Variants in AGFG1 observed in about 807,000 individuals in gnomAD.
AGFG1 encodes arf-GAP domain and FG repeat-containing protein 1.
In AGFG1, 10 loss-of-function variants were observed where a neutral mutation model predicts 60.6. The observed-to-expected ratio is 0.16, with a 90% confidence interval of 0.10 to 0.28. The LOEUF is 0.28. AGFG1 is among the 10% of genes least tolerant of loss of function. The pLI is 1.00. For missense variants in AGFG1, 537 were observed against 676.5 expected (o/e 0.79, Z 2.29); for synonymous variants, 247 against 242.9 (o/e 1.02, Z -0.16).
chr2:227,517,141 G>A (rs886649056), intron 2 of AGFG1, among the ~76,000 whole-genome samples: 1 of 152,158 alleles, frequency 6.6e-6, no homozygotes, highest in Non-Finnish European at 1.5e-5. Flanking sequence ...CTTCTCAGGC[G>A]TTGCCAGTGA....
At chr2:227,539,384 A>G (rs2106228219) in intron 10 of AGFG1, among the ~76,000 whole-genome samples, 1 of 147,666 alleles carries the variant, frequency 6.8e-6, no homozygotes, top group African/African-American at 2.5e-5. Context: ...TGGAGTTTGC[A>G]GTGAGCTGAG....
At chr2:227,519,466 G>A (rs1014095382) in intron 2 of AGFG1, among the ~76,000 whole-genome samples, 3 of 152,120 alleles carry the variant, frequency 2.0e-5, no homozygotes, top group African/African-American at 7.2e-5. Flanking sequence ...GACCAAAAAT[G>A]CATAGGAGAC....
chr2:227,486,429 G>A (rs1053101320), intron 1 of AGFG1, among the ~76,000 whole-genome samples: 1 of 152,064 alleles, frequency 6.6e-6, no homozygotes, highest in Non-Finnish European at 1.5e-5. Flanking sequence ...TATGTAAAGT[G>A]CCAGTCTAGA....
rs1318163121 is a variant in AGFG1, at chr2:227,524,926, T to C, written c.694+11T>C. 1 of 1,613,508 alleles carries C rather than the reference T, an allele frequency of 6.2e-7. No individual in the cohort carries two copies. Among genetic ancestry groups the C allele is most frequent in the East Asian group, 2.2e-5 (1 of 44,880 alleles). On this transcript the variant is annotated intron_variant, in intron 5 of 12. Coordinates refer to ENST00000310078, the MANE Select transcript of AGFG1 (RefSeq NM_004504.5). The stretch of plus-strand genomic sequence containing the variant: ...TCAACAGTCATGCAGGTAAGTGTTT[T>C]TTCCCAACAGCTTTTGCTGGGGATG...
In AGFG1 at chr2:227,472,298, C is replaced by G; in HGVS notation, c.-124C>G. The G allele has an allele frequency of 1.8e-6, 1 of 553,738 alleles. No individual in the cohort carries two copies. The highest frequency in any genetic ancestry group is 2.3e-6 in the Non-Finnish European group (1 of 437,206). The allele number at this position is 553,738 out of a possible 1,614,324, so 34.3% of individuals were successfully genotyped here. On this transcript the variant is annotated 5_prime_UTR_variant, in exon 1 of 13. Transcript: ENST00000310078. Reference sequence around the variant, plus strand: ...GCCAAGCCGCTGCGGCCGGGTCCGGCGCGGGCGGCGCGCGCAGACGGAGGG... The same window carrying G: ...GCCAAGCCGCTGCGGCCGGGTCCGGGGCGGGCGGCGCGCGCAGACGGAGGG...
intron 6 of AGFG1, 74 bp downstream of exon 6, chr2:227,531,284 TTAGTC>T (rs2106217942): frequency 6.6e-7 from 1 of 1,513,282 alleles, no homozygotes; most frequent in African/African-American, 1.4e-5. Context: ...TTTTGAAAAA[TTAGTC>T]TAAACTTAAA....
chr2:227,526,229 C>T (rs1691987170), intron 5 of AGFG1, among the ~76,000 whole-genome samples: 1 of 152,018 alleles, frequency 6.6e-6, no homozygotes, highest in Non-Finnish European at 1.5e-5. Flanking sequence ...GGTGGAGTCT[C>T]GCTCTCTCGC....
At chr2:227,518,782 C>T (rs56215219) in intron 2 of AGFG1, among the ~76,000 whole-genome samples, 23,405 of 152,036 alleles carry the variant, frequency 0.15, 1,926 homozygotes, top group Middle Eastern at 0.2. Context: ...TGCACCCGGC[C>T]TCAGTGTCAT....
At chr2:227,478,139 A>AT (rs11383047) in intron 1 of AGFG1, among the ~76,000 whole-genome samples, 91,240 of 151,012 alleles carry the variant, frequency 0.6, 27,602 homozygotes, top group South Asian at 0.7. Flanking sequence ...TTCTCGTGCT[A>AT]TTTTTTATAT....
At chr2:227,536,519 G>T in intron 8 of AGFG1, 106 bp from the exon 9 acceptor site, 1 of 821,372 alleles carries the variant, frequency 1.2e-6, no homozygotes. Flanking sequence ...TGTTGATACT[G>T]ATGCTGTGAT....
intron 1 of AGFG1, among the ~76,000 whole-genome samples, chr2:227,473,096 C>G (rs1261611780): frequency 2.1e-5 from 1 of 48,428 alleles, no homozygotes; most frequent in Non-Finnish European, 3.9e-5. Flanking sequence ...CGGGGAGAAG[C>G]TGGGGTGGGA....
At position 227,492,358 on chromosome 2, in the gene AGFG1, G is replaced by A. The variant is rs189335913; in HGVS notation, c.261+718G>A. On this transcript the variant is annotated intron_variant, in intron 2 of 12. Coordinates refer to ENST00000310078, the MANE Select transcript of AGFG1 (RefSeq NM_004504.5). ...AATAAGGATGAGCCAGTTAACCCAA[G>A]CTGATTAATAATAGCTATTATTATT... Among the ~76,000 whole-genome samples, 8 of 152,056 alleles carry A rather than the reference G, an allele frequency of 5.3e-5. No individual in the cohort carries two copies. In the East Asian group the frequency reaches 1.3e-3, roughly 26 times the overall value.
chr2:227,556,971 G>A lies in AGFG1; in HGVS notation c.*2476G>A, dbSNP rs1040022327. ...AAAGAAGAGAGGTAGCTTTAAAGTG[G>A]TTTTTCTCATGATATTCACTGTTTA... On this transcript the variant is annotated 3_prime_UTR_variant, in exon 13 of 13. Coordinates refer to ENST00000310078, the MANE Select transcript of AGFG1 (RefSeq NM_004504.5). 5 of 152,106 alleles carry A rather than the reference G, an allele frequency of 3.3e-5. No homozygotes were observed. Among genetic ancestry groups the A allele is most frequent in the Non-Finnish European group, 5.9e-5 (4 of 68,016 alleles). 9.4% of individuals were successfully genotyped at this position (152,106 alleles called of 1,614,324 possible). A position where few individuals can be genotyped will look rare whatever the true frequency, so the allele number is the denominator to read the frequency against.
intron 5 of AGFG1, among the ~76,000 whole-genome samples, chr2:227,526,046 T>C (rs1348375248): frequency 1.3e-5 from 2 of 152,210 alleles, no homozygotes; most frequent in South Asian, 2.1e-4. Context: ...CATTTTATAA[T>C]GGTGACTTTT....
At chr2:227,489,974 C>A (rs978207550) in intron 1 of AGFG1, among the ~76,000 whole-genome samples, 30 of 152,112 alleles carry the variant, frequency 2.0e-4, no homozygotes, top group African/African-American at 6.7e-4. Flanking sequence ...TGCCACCACG[C>A]CCAGCTTATT....
chr2:227,478,932 C>T (rs1384901219), intron 1 of AGFG1, among the ~76,000 whole-genome samples: 2 of 152,182 alleles, frequency 1.3e-5, no homozygotes, highest in South Asian at 2.1e-4. Context: ...AATAATTCTT[C>T]TCACTCATGC....
At chr2:227,527,601 A>C (rs759096706) in intron 5 of AGFG1, among the ~76,000 whole-genome samples, 1 of 152,178 alleles carries the variant, frequency 6.6e-6, no homozygotes, top group Non-Finnish European at 1.5e-5. Context: ...TGCGTATGGA[A>C]TCTATTTTGG....
intron 2 of AGFG1, among the ~76,000 whole-genome samples, chr2:227,517,369 G>A (rs1350879949): frequency 2.0e-5 from 3 of 152,168 alleles, no homozygotes; most frequent in African/African-American, 7.2e-5. Context: ...GGGTTCAAGC[G>A]ATTCTCCTGC....
intron 1 of AGFG1, among the ~76,000 whole-genome samples, chr2:227,473,980 T>C (rs1208545556): frequency 6.6e-6 from 1 of 152,208 alleles, no homozygotes; most frequent in African/African-American, 2.4e-5. Flanking sequence ...AAAAATGTCT[T>C]GGGCAAGTAC....
Sources: allele counts gnomAD v4.1 joint callset (sites outside exome capture counted in the v4.1 genomes callset), GRCh38; gene constraint gnomAD v4.1.1; transcripts MANE v1.5; gene names NCBI Gene and HGNC (gene_info 2026-07-23, HGNC 2026-07-21).